CHRM3: variants seen among roughly 807,000 people sequenced by gnomAD.
CHRM3 encodes cholinergic receptor muscarinic 3.
CHRM3 carries 11 observed loss-of-function variants against 41.8 expected under a neutral mutation model. The ratio of observed to expected loss-of-function variants is 0.26; its 90% CI spans 0.17 to 0.44. The LOEUF (loss-of-function observed/expected upper bound fraction) is 0.44. Ranked by LOEUF, CHRM3 falls within the 20% of genes least tolerant of loss-of-function variation. The probability of loss-of-function intolerance (pLI) is 1.00; values close to 1 mark genes in which losing one functional copy is unlikely to be tolerated. For missense variants in CHRM3, 571 were observed against 745.4 expected (o/e 0.77, Z 2.72); for synonymous variants, 297 against 301.4 (o/e 0.99, Z 0.15).
At chr1:239,875,845 C>T (rs901873598) in intron 6 of CHRM3, among the ~76,000 whole-genome samples, 1 of 152,180 alleles carries the variant, frequency 6.6e-6, no homozygotes, top group Non-Finnish European at 1.5e-5. Flanking sequence ...AAGGCAATAT[C>T]AAATGAATTA....
At chr1:239,533,430 A>T (rs1447668742) in intron 2 of CHRM3, among the ~76,000 whole-genome samples, 1 of 152,100 alleles carries the variant, frequency 6.6e-6, no homozygotes, top group Non-Finnish European at 1.5e-5. Flanking sequence ...AGAAGTGTGG[A>T]ACAAAGTGGG....
At chr1:239,397,118 T>TTATATCA (rs1659551348) in intron 1 of CHRM3, among the ~76,000 whole-genome samples, 2 of 152,204 alleles carry the variant, frequency 1.3e-5, no homozygotes, top group Non-Finnish European at 2.9e-5. Context: ...GTCTTTAGGC[T>TTATATCA]AATGTTGAGT....
At chr1:239,477,874 A>G (rs1170879522) in intron 1 of CHRM3, among the ~76,000 whole-genome samples, 1 of 152,194 alleles carries the variant, frequency 6.6e-6, no homozygotes, top group Non-Finnish European at 1.5e-5. Context: ...ACCAAATACA[A>G]GTAGTAACTG....
intron 5 of CHRM3, among the ~76,000 whole-genome samples, chr1:239,768,163 T>G (rs556289908): frequency 3.9e-5 from 6 of 152,344 alleles, no homozygotes; most frequent in African/African-American, 1.4e-4. Flanking sequence ...TTTGCTAATA[T>G]GCACTGTGAT....
At chr1:239,576,039 G>A (rs1662303224) in intron 3 of CHRM3, among the ~76,000 whole-genome samples, 1 of 152,072 alleles carries the variant, frequency 6.6e-6, no homozygotes, top group Non-Finnish European at 1.5e-5. Context: ...TCATGAATTT[G>A]ACTACTCTAG....
At chr1:239,843,485 G>T (rs602117) in intron 6 of CHRM3, among the ~76,000 whole-genome samples, 1 of 127,028 alleles carries the variant, frequency 7.9e-6, no homozygotes, top group Non-Finnish European at 1.6e-5. Context: ...TTCCTCTTAG[G>T]ACTTATCATT....
intron 4 of CHRM3, among the ~76,000 whole-genome samples, chr1:239,640,115 C>A (rs937915737): frequency 2.0e-3 from 301 of 151,536 alleles, no homozygotes; most frequent in Non-Finnish European, 3.0e-3. Flanking sequence ...GGGATGAAGC[C>A]CACTTGATCA....
intron 5 of CHRM3, among the ~76,000 whole-genome samples, chr1:239,773,179 A>T (rs1024774155): frequency 2.0e-5 from 3 of 152,204 alleles, no homozygotes; most frequent in Admixed American, 6.5e-5. Context: ...AATGATCTGT[A>T]AGAGGGGAGT....
chr1:239,584,829 G>T (rs1427884607), intron 3 of CHRM3, among the ~76,000 whole-genome samples: 2 of 152,010 alleles, frequency 1.3e-5, no homozygotes, highest in African/African-American at 4.8e-5. Flanking sequence ...AGCGTCTGTT[G>T]GTTATATGGA....
intron 5 of CHRM3, among the ~76,000 whole-genome samples, chr1:239,756,103 C>T (rs1040336383): frequency 1.3e-5 from 2 of 152,188 alleles, no homozygotes; most frequent in Non-Finnish European, 2.9e-5. Context: ...GTCATTCTGA[C>T]CTACAGATTT....
intron 5 of CHRM3, among the ~76,000 whole-genome samples, chr1:239,773,285 G>T (rs549329436): frequency 6.6e-6 from 1 of 151,952 alleles, no homozygotes; most frequent in African/African-American, 2.4e-5. Context: ...ATTGTTCATC[G>T]AATAGCACAT....
chr1:239,856,949 C>A (rs962858361), intron 6 of CHRM3, among the ~76,000 whole-genome samples: 48 of 152,100 alleles, frequency 3.2e-4, no homozygotes, highest in African/African-American at 1.1e-3. Context: ...CTCAAATGAA[C>A]AATATTCTCT....
At chr1:239,566,652 T>C (rs532323118) in intron 3 of CHRM3, among the ~76,000 whole-genome samples, 2 of 152,278 alleles carry the variant, frequency 1.3e-5, no homozygotes, top group African/African-American at 4.8e-5. Flanking sequence ...GGGTCATTAA[T>C]TCTCTAAGAA....
intron 2 of CHRM3, among the ~76,000 whole-genome samples, chr1:239,510,799 G>A (rs1434150278): frequency 6.6e-6 from 1 of 152,034 alleles, no homozygotes; most frequent in East Asian, 1.9e-4. Flanking sequence ...GCCTCCCAAA[G>A]TGCTGGGATT....
At chr1:239,895,133 C>T (rs1386758544) in intron 6 of CHRM3, among the ~76,000 whole-genome samples, 1 of 152,236 alleles carries the variant, frequency 6.6e-6, no homozygotes, top group Non-Finnish European at 1.5e-5. Flanking sequence ...GAGAACTCAC[C>T]TCTTTTTCTC....
chr1:239,773,535 A>G (rs1010873878), intron 5 of CHRM3, among the ~76,000 whole-genome samples: 3 of 152,170 alleles, frequency 2.0e-5, no homozygotes, highest in Non-Finnish European at 2.9e-5. Context: ...TTTGTATAAC[A>G]GTTGCAAGGT....
chr1:239,782,667 AT>A (rs1430218331), intron 5 of CHRM3, among the ~76,000 whole-genome samples: 1 of 151,804 alleles, frequency 6.6e-6, no homozygotes, highest in African/African-American at 2.4e-5. Context: ...TTTGGAATTG[AT>A]TTGCTCCTTT....
At chr1:239,772,542 C>A (rs1667775837) in intron 5 of CHRM3, among the ~76,000 whole-genome samples, 1 of 152,162 alleles carries the variant, frequency 6.6e-6, no homozygotes, top group Non-Finnish European at 1.5e-5. Flanking sequence ...TCCCCAGATC[C>A]GACCCTATTC....
In CHRM3 at chr1:239,794,387, G is replaced by T. The variant is rs76419278; in HGVS notation, c.-146-32865G>T. Among the ~76,000 whole-genome samples, 211 of 115,074 alleles carry T rather than the reference G, an allele frequency of 1.8e-3. 2 individuals carry two copies. The highest frequency in any genetic ancestry group is 2.2e-3 in the South Asian group (8 of 3,580). The allele number at this position is 115,074 out of a possible 152,430, so 75.5% of individuals were successfully genotyped here. On this transcript the variant is annotated intron_variant, in intron 5 of 6. Coordinates refer to ENST00000676153, the MANE Select transcript of CHRM3 (RefSeq NM_001375978.1). ...TCTCCCACTTATTAATTCGTTTGTTGTTTTTTTTTTTTTTTTGTCTTTTTT... is the reference window on the plus strand; with the variant it reads ...TCTCCCACTTATTAATTCGTTTGTTTTTTTTTTTTTTTTTTTGTCTTTTTT...
Sources: allele counts gnomAD v4.1 joint callset (sites outside exome capture counted in the v4.1 genomes callset), GRCh38; gene constraint gnomAD v4.1.1; transcripts MANE v1.5; gene names NCBI Gene and HGNC (gene_info 2026-07-23, HGNC 2026-07-21).